The following CNTN5 variants were observed in gnomAD, a reference collection of about 807,000 sequenced individuals.
CNTN5 encodes contactin 5, also known as contactin-5.
In CNTN5, 77 loss-of-function variants were observed where a neutral mutation model predicts 129.1. The ratio of observed to expected loss-of-function variants is 0.60; its 90% CI spans 0.50 to 0.72. CNTN5 has a LOEUF of 0.72. CNTN5 is among the 30% of genes least tolerant of loss of function. The pLI is 0.00. For missense variants in CNTN5, 1,478 were observed against 1,328.8 expected (o/e 1.11, Z -1.75); for synonymous variants, 509 against 465.6 (o/e 1.09, Z -1.20).
At chr11:100,028,214 G>A (rs1454836828) in intron 9 of CNTN5, among the ~76,000 whole-genome samples, 2 of 151,958 alleles carry the variant, frequency 1.3e-5, no homozygotes, top group African/African-American at 2.4e-5. Context: ...AAAATCTGCT[G>A]GATAAAATTC....
At chr11:100,210,128 G>A (rs912948992) in intron 15 of CNTN5, among the ~76,000 whole-genome samples, 21 of 143,940 alleles carry the variant, frequency 1.5e-4, no homozygotes, top group Non-Finnish European at 2.8e-4. Context: ...CTGAGCCCAA[G>A]AGTTCGAGAT....
chr11:99,628,099 C>A (rs1951196103), intron 3 of CNTN5, among the ~76,000 whole-genome samples: 1 of 151,766 alleles, frequency 6.6e-6, no homozygotes, highest in African/African-American at 2.4e-5. Flanking sequence ...CTCTTGCAGC[C>A]TTAAAAGGAG....
At chr11:99,236,073 T>C (rs1861244149) in intron 1 of CNTN5, among the ~76,000 whole-genome samples, 1 of 152,266 alleles carries the variant, frequency 6.6e-6, no homozygotes, top group Middle Eastern at 3.4e-3. Context: ...AAAACAATAA[T>C]AATCTAAACA....
intron 8 of CNTN5, among the ~76,000 whole-genome samples, chr11:99,959,327 G>A (rs182732531): frequency 6.6e-6 from 1 of 152,104 alleles, no homozygotes; most frequent in African/African-American, 2.4e-5. Context: ...GCTTTCCTTA[G>A]ACTGGATTGC....
At chr11:99,061,113 C>T (rs914290179) in intron 1 of CNTN5, among the ~76,000 whole-genome samples, 6 of 152,080 alleles carry the variant, frequency 3.9e-5, no homozygotes, top group Non-Finnish European at 7.4e-5. Flanking sequence ...GTCCAATCCA[C>T]CACTAGCCCA....
chr11:99,280,117 A>G (rs1863626553), intron 1 of CNTN5, among the ~76,000 whole-genome samples: 1 of 151,860 alleles, frequency 6.6e-6, no homozygotes, highest in Admixed American at 6.6e-5. Flanking sequence ...CATTTATGAA[A>G]TGTATTTATA....
At chr11:99,873,816 A>C (rs996637434) in intron 6 of CNTN5, among the ~76,000 whole-genome samples, 1 of 152,180 alleles carries the variant, frequency 6.6e-6, no homozygotes, top group Non-Finnish European at 1.5e-5. Flanking sequence ...CTATATGTCT[A>C]TCAAAGGTTG....
chr11:99,285,507 G>A (rs925056582), intron 1 of CNTN5, among the ~76,000 whole-genome samples: 15 of 151,754 alleles, frequency 9.9e-5, no homozygotes, highest in Admixed American at 9.2e-4. Flanking sequence ...TTTTTAAAAT[G>A]GAAGATTCAG....
intron 15 of CNTN5, among the ~76,000 whole-genome samples, chr11:100,214,309 T>A (rs1949096021): frequency 6.6e-6 from 1 of 152,168 alleles, no homozygotes; most frequent in Non-Finnish European, 1.5e-5. Flanking sequence ...TAGCCTAAAA[T>A]ATATCCCTGA....
At chr11:99,450,667 C>CCAT (rs1944264579) in intron 2 of CNTN5, among the ~76,000 whole-genome samples, 1 of 152,054 alleles carries the variant, frequency 6.6e-6, no homozygotes, top group Non-Finnish European at 1.5e-5. Context: ...TATTGTACTG[C>CCAT]CATCTCCATC....
At chr11:99,929,921 T>C (rs752699580) in intron 7 of CNTN5, among the ~76,000 whole-genome samples, 10 of 152,190 alleles carry the variant, frequency 6.6e-5, no homozygotes, top group Non-Finnish European at 1.0e-4. Flanking sequence ...TGAGAGTTTA[T>C]TGAAACAAAG....
At chr11:100,242,993 T>C (rs1949773788) in intron 16 of CNTN5, among the ~76,000 whole-genome samples, 1 of 152,198 alleles carries the variant, frequency 6.6e-6, no homozygotes, top group South Asian at 2.1e-4. Flanking sequence ...AAGGGTAAGA[T>C]ACCTGAGAAT....
intron 1 of CNTN5, among the ~76,000 whole-genome samples, chr11:99,296,953 G>C (rs1414946250): frequency 6.6e-6 from 1 of 152,146 alleles, no homozygotes; most frequent in Non-Finnish European, 1.5e-5. Flanking sequence ...ACCAAGAAGG[G>C]CTTACTTCCT....
At chr11:100,097,414 G>C (rs1234783568) in intron 13 of CNTN5, among the ~76,000 whole-genome samples, 2 of 152,054 alleles carry the variant, frequency 1.3e-5, no homozygotes, top group African/African-American at 2.4e-5. Flanking sequence ...GAATAAAAGA[G>C]GTTAGAGTTA....
At chr11:99,736,023 TC>T (rs1173465180) in intron 3 of CNTN5, among the ~76,000 whole-genome samples, 2 of 151,160 alleles carry the variant, frequency 1.3e-5, no homozygotes, top group East Asian at 3.9e-4. Context: ...CTCTTTTTTT[TC>T]TCTCTTTCTT....
intron 3 of CNTN5, among the ~76,000 whole-genome samples, chr11:99,712,887 T>C (rs1451917533): frequency 6.6e-6 from 1 of 152,122 alleles, no homozygotes; most frequent in African/African-American, 2.4e-5. Context: ...TGTAGCCTTG[T>C]AGTATAGTTT....
intron 1 of CNTN5, among the ~76,000 whole-genome samples, chr11:99,029,092 C>T (rs898061639): frequency 2.0e-5 from 3 of 151,318 alleles, no homozygotes; most frequent in African/African-American, 7.3e-5. Flanking sequence ...ATATTATATA[C>T]AAGAAAAAAT....
At chr11:100,011,312 A>G (rs1940518874) in intron 9 of CNTN5, among the ~76,000 whole-genome samples, 1 of 152,188 alleles carries the variant, frequency 6.6e-6, no homozygotes, top group African/African-American at 2.4e-5. Flanking sequence ...ACTGATGCTT[A>G]AATGACCCAA....
At chr11:100,220,766 A>T (rs961100707) in intron 15 of CNTN5, among the ~76,000 whole-genome samples, 1 of 152,236 alleles carries the variant, frequency 6.6e-6, no homozygotes, top group Non-Finnish European at 1.5e-5. Context: ...GTGAATATCT[A>T]ATAAGTGGTA....
Sources: allele counts gnomAD v4.1 joint callset (sites outside exome capture counted in the v4.1 genomes callset), GRCh38; gene constraint gnomAD v4.1.1; transcripts MANE v1.5; gene names NCBI Gene and HGNC (gene_info 2026-07-23, HGNC 2026-07-21).